Variants in KAT6B observed in about 807,000 individuals in gnomAD.
KAT6B encodes the protein lysine acetyltransferase 6B.
In KAT6B, 10 loss-of-function variants were observed where a neutral mutation model predicts 187.5. The observed-to-expected ratio is 0.05, with a 90% CI of 0.03 to 0.09. KAT6B has a LOEUF of 0.09. Ranked by LOEUF, KAT6B falls within the 10% of genes least tolerant of loss-of-function variation. The pLI is 1.00. For synonymous variants in KAT6B, 861 were observed against 926.8 expected, an observed-to-expected ratio of 0.93 and a Z score of 1.29; for missense variants, 1,952 against 2,558.9, an observed-to-expected ratio of 0.76 and a Z score of 5.12.
chr10:74,890,793 A>G (rs962384398), intron 3 of KAT6B, among the ~76,000 whole-genome samples: 2 of 152,184 alleles, frequency 1.3e-5, no homozygotes, highest in African/African-American at 4.8e-5. Context: ...TTTGATTTTT[A>G]AAATACAGTC....
At chr10:74,860,817 A>AC (rs1843125460) in intron 3 of KAT6B, among the ~76,000 whole-genome samples, 5 of 151,996 alleles carry the variant, frequency 3.3e-5, no homozygotes, top group Non-Finnish European at 5.9e-5. Context: ...GGGAAACATG[A>AC]CAAAACCCCA....
intron 3 of KAT6B, among the ~76,000 whole-genome samples, chr10:74,879,405 G>A (rs1479305302): frequency 6.6e-6 from 1 of 152,144 alleles, no homozygotes; most frequent in Non-Finnish European, 1.5e-5. Context: ...TCTTGACATA[G>A]GAGCTGCCTT....
At chr10:74,989,329 G>C (rs545352068) in intron 13 of KAT6B, among the ~76,000 whole-genome samples, 182 of 152,228 alleles carry the variant, frequency 1.2e-3, no homozygotes, top group African/African-American at 4.3e-3. Context: ...TAGATCTCTC[G>C]GCAGCAGGCC....
rs539766757 is a variant in KAT6B, at chr10:74,885,947, G to A, written c.621+42469G>A. ...AGGGTTTCACCATGTTGGCCAGGAT[G>A]GTCTTGATCTCTTGACCTTGTGATC... is the stretch of plus-strand genomic sequence containing the variant. On this transcript the variant is annotated intron_variant, in intron 3 of 17. Transcript: ENST00000287239. 2.0e-5 allele frequency among the ~76,000 whole-genome samples: 3 copies of A among 152,220 alleles called. No individual in the cohort carries two copies. The East Asian group carries it at 5.8e-4, about 29-fold the overall frequency.
chr10:75,002,031 A>C (rs1028179474), intron 13 of KAT6B, among the ~76,000 whole-genome samples: 1 of 152,164 alleles, frequency 6.6e-6, no homozygotes, highest in East Asian at 1.9e-4. Context: ...CCGTGTGGTC[A>C]GCTTAGGGCT....
intron 3 of KAT6B, among the ~76,000 whole-genome samples, chr10:74,948,518 T>A (rs949105914): frequency 1.3e-5 from 2 of 152,240 alleles, no homozygotes; most frequent in African/African-American, 4.8e-5. Flanking sequence ...TACATTCAGT[T>A]GAGTTGCCTG....
At chr10:74,880,978 C>T (rs1033462251) in intron 3 of KAT6B, among the ~76,000 whole-genome samples, 10 of 150,056 alleles carry the variant, frequency 6.7e-5, no homozygotes, top group Non-Finnish European at 1.3e-4. Context: ...TGCTGGAGTG[C>T]AGTGGTGCAG....
chr10:75,005,591 T>TTTTG (rs530540331), intron 13 of KAT6B, among the ~76,000 whole-genome samples: 1 of 152,182 alleles, frequency 6.6e-6, no homozygotes, highest in Non-Finnish European at 1.5e-5. Flanking sequence ...GTTGTTGGTT[T>TTTTG]TTTGTTTGTT....
At position 75,030,850 on chromosome 10, in the gene KAT6B, A is replaced by G. The variant is rs755351041; in HGVS notation, c.6026A>G (p.Asn2009Ser). 1.9e-6 allele frequency: 3 copies of G among 1,614,222 alleles called. No homozygotes were observed. The highest frequency in any genetic ancestry group is 2.5e-6 in the Non-Finnish European group (3 of 1,180,034). The change falls in exon 18 of 18, where the codon AAT becomes AGT. Residue 2009 changes from asparagine to serine, a missense_variant. Asn to Ser is a conservative substitution (Grantham distance 46, BLOSUM62 1). Transcript: ENST00000287239. This position sits in a 1 kb window ranked among gnomAD's most constrained non-coding sequence, Gnocchi z 4.8. Reference protein sequence around the residue: ...QPMMNSGYHSNHGYMNQTPQY... With the variant: ...QPMMNSGYHSSHGYMNQTPQY... ...ATGATGAACAGTGGCTACCACAGCA[A>G]TCATGGCTATATGAATCAAACGCCC...
intron 3 of KAT6B, among the ~76,000 whole-genome samples, chr10:74,918,943 C>T (rs1847911269): frequency 6.6e-6 from 1 of 152,010 alleles, no homozygotes; most frequent in Admixed American, 6.5e-5. Flanking sequence ...CTGGGCCGTG[C>T]ATGGTGGCTC....
At chr10:74,849,696 G>T (rs1482817940) in intron 3 of KAT6B, among the ~76,000 whole-genome samples, 1 of 152,192 alleles carries the variant, frequency 6.6e-6, no homozygotes, top group Non-Finnish European at 1.5e-5. Flanking sequence ...CTAACGTTTT[G>T]TAAGTGTTAA....
intron 3 of KAT6B, among the ~76,000 whole-genome samples, chr10:74,892,821 G>A (rs1314935350): frequency 1.3e-5 from 2 of 152,166 alleles, no homozygotes; most frequent in Non-Finnish European, 2.9e-5. Context: ...GAGTGAGTGT[G>A]GTGTGGCTTT....
chr10:74,885,064 A>T (rs146026535), intron 3 of KAT6B, among the ~76,000 whole-genome samples: 2,931 of 151,884 alleles, frequency 0.019, 78 homozygotes, highest in African/African-American at 0.059. Context: ...TTAATTAATT[A>T]ATTAATTTAT....
At chr10:74,880,804 C>T (rs1363387732) in intron 3 of KAT6B, among the ~76,000 whole-genome samples, 4 of 151,878 alleles carry the variant, frequency 2.6e-5, no homozygotes, top group African/African-American at 7.3e-5. Flanking sequence ...TTAGTAGAGA[C>T]GGGGTTTCAC....
At chr10:75,005,692 A>AT (rs995930490) in intron 13 of KAT6B, among the ~76,000 whole-genome samples, 10 of 151,914 alleles carry the variant, frequency 6.6e-5, no homozygotes, top group African/African-American at 1.9e-4. Flanking sequence ...TAGGAATCTG[A>AT]TTTTTTTTCT....
chr10:75,004,387 T>C (rs763978427), intron 13 of KAT6B, among the ~76,000 whole-genome samples: 3 of 152,218 alleles, frequency 2.0e-5, no homozygotes, highest in Admixed American at 2.0e-4. Context: ...GCCAGATGCA[T>C]CCAGCTAGCT....
At position 74,838,733 on chromosome 10, in the gene KAT6B, C is replaced by T. The variant is rs558172089; in HGVS notation, c.-278C>T. 3 of 152,092 alleles carry T rather than the reference C, an allele frequency of 2.0e-5. No individual in the cohort carries two copies. Among genetic ancestry groups the T allele is most frequent in the Non-Finnish European group, 4.4e-5 (3 of 68,008 alleles). The allele number at this position is 152,092 out of a possible 1,614,324, so 9.4% of individuals were successfully genotyped here. ...CCATTTTTGTCATGGACTGTTAAAACGTTTGAAGTTCCAATTCTGGTACTT... is the reference window on the plus strand; with the variant it reads ...CCATTTTTGTCATGGACTGTTAAAATGTTTGAAGTTCCAATTCTGGTACTT... On this transcript the variant is annotated 5_prime_UTR_variant, in exon 2 of 18. In the 5' UTR this introduces an upstream ATG that the reference lacks. Coordinates refer to ENST00000287239, the MANE Select transcript of KAT6B (RefSeq NM_012330.4).
At chr10:74,870,916 C>T (rs1302524689) in intron 3 of KAT6B, among the ~76,000 whole-genome samples, 1 of 142,608 alleles carries the variant, frequency 7.0e-6, no homozygotes, top group Non-Finnish European at 1.5e-5. Flanking sequence ...CTTACTCTGT[C>T]ACCCAGGCTG....
intron 4 of KAT6B, among the ~76,000 whole-genome samples, chr10:74,960,850 GT>G (rs1841050744): frequency 6.6e-6 from 1 of 152,172 alleles, no homozygotes; most frequent in African/African-American, 2.4e-5. Context: ...CAGTGTTATG[GT>G]TTAGCATGTT....
Sources: allele counts gnomAD v4.1 joint callset (sites outside exome capture counted in the v4.1 genomes callset), GRCh38; gene constraint gnomAD v4.1.1; non-coding constraint Gnocchi (gnomAD v3.1); transcripts MANE v1.5; gene names NCBI Gene and HGNC (gene_info 2026-07-23, HGNC 2026-07-21).